The following SYNE1 variants were observed in gnomAD, a reference collection of about 807,000 sequenced individuals.
SYNE1 encodes the protein nesprin-1.
A neutral mutation model predicts 1,111.0 loss-of-function variants in SYNE1; 616 were observed. That is an observed-to-expected ratio of 0.55 (90% confidence interval 0.52 to 0.59). The LOEUF (loss-of-function observed/expected upper bound fraction) is 0.59. SYNE1 is among the 20% of genes least tolerant of loss of function. SYNE1 has a pLI of 0.00. For synonymous variants in SYNE1, 3,855 were observed against 3,825.8 expected (o/e 1.01, Z -0.28); for missense variants, 10,006 against 10,417.0 (o/e 0.96, Z 1.72).
chr6:152,535,717 T>C (rs1375724267), intron 4 of SYNE1, among the ~76,000 whole-genome samples: 3 of 152,216 alleles, frequency 2.0e-5, no homozygotes, highest in African/African-American at 7.2e-5. Flanking sequence ...AATATTAAGA[T>C]TGCTTATACA....
rs763775773 is a variant in SYNE1, at chr6:152,141,301, C to G, written c.25148G>C (p.Ser8383Thr). 1.9e-6 allele frequency: 3 copies of G among 1,613,620 alleles called. No individual in the cohort carries two copies. The highest frequency in any genetic ancestry group is 2.5e-6 in the Non-Finnish European group (3 of 1,179,800). The change falls in exon 139 of 146, where the codon AGT (serine) becomes ACT (threonine). Residue 8383 changes from serine (S) to threonine (T), a missense_variant. Physicochemically the swap from Ser to Thr is moderately conservative, Grantham distance 58. This residue lies in a region of SYNE1 where 761 missense variants were observed against 795.5 expected (regional missense o/e 0.96). Coordinates refer to ENST00000367255, the MANE Select transcript of SYNE1 (RefSeq NM_182961.4). The stretch of plus-strand genomic sequence containing the variant: ...CTCCAGTCTCTTCACGGAGTCTATA[C>G]TGCTACTGCATTCGCCCAGCAGTTT... ...YMKLLGECSSSIDSVKRLEHK... is the reference protein window; with the variant it reads ...YMKLLGECSSTIDSVKRLEHK...
At position 152,344,239 on chromosome 6, in the gene SYNE1, C is replaced by A. The variant is rs73783853; in HGVS notation, c.12079-12G>T. 3,125 of 1,614,094 alleles carry A rather than the reference C, an allele frequency of 1.9e-3. 24 individuals are homozygous for A. The African/African-American group carries it at 0.022, about 11-fold the overall frequency. ...AAACTCTGGTACATCTGAGACAATA[C>A]AATCATGCTGAGATTATGAGAACTG... is the stretch of plus-strand genomic sequence containing the variant. On this transcript the variant is annotated splice_polypyrimidine_tract_variant and intron_variant, in intron 73 of 145. Coordinates refer to ENST00000367255, the MANE Select transcript of SYNE1 (RefSeq NM_182961.4).
chr6:152,385,133 C>G (rs1207004204), intron 55 of SYNE1, among the ~76,000 whole-genome samples: 1 of 152,074 alleles, frequency 6.6e-6, no homozygotes. Flanking sequence ...ATTTAAGCAA[C>G]TAGAAATTTA....
At chr6:152,273,715 T>A (rs1333552167) in intron 98 of SYNE1, among the ~76,000 whole-genome samples, 1 of 152,220 alleles carries the variant, frequency 6.6e-6, no homozygotes, top group East Asian at 1.9e-4. Flanking sequence ...AACTAGAAGA[T>A]CCAGCAATGC....
At chr6:152,302,158 G>A (rs1013595380) in intron 91 of SYNE1, 95 bp from the exon 92 acceptor site, 1 of 1,543,498 alleles carries the variant, frequency 6.5e-7, no homozygotes. Context: ...GCCAATGAGC[G>A]CGCAGAGCCG....
At chr6:152,308,683 A>T in intron 90 of SYNE1, 51 bp from the exon 91 acceptor site, 4 of 1,566,026 alleles carry the variant, frequency 2.6e-6, no homozygotes, top group Non-Finnish European at 3.4e-6. Flanking sequence ...TTCTCTACCA[A>T]TAACTAGGTA....
chr6:152,332,010 T>C, intron 77 of SYNE1, 120 bp from the exon 78 acceptor site: 1 of 1,452,892 alleles, frequency 6.9e-7, no homozygotes, highest in Non-Finnish European at 9.5e-7. Flanking sequence ...TGCTCTTGTT[T>C]CCCAGGCTGG....
chr6:152,209,190 T>C (rs1022985942), intron 124 of SYNE1, among the ~76,000 whole-genome samples: 4 of 152,306 alleles, frequency 2.6e-5, no homozygotes, highest in South Asian at 2.1e-4. Context: ...AGATATACTA[T>C]CCTCTTCTCT....
intron 74 of SYNE1, 99 bp downstream of exon 74, chr6:152,343,982 G>C: frequency 6.6e-7 from 1 of 1,524,072 alleles, no homozygotes. Flanking sequence ...TAGATTCCCA[G>C]GAGTCAATAC....
intron 117 of SYNE1, among the ~76,000 whole-genome samples, chr6:152,224,048 C>A (rs1263307785): frequency 6.6e-6 from 1 of 152,164 alleles, no homozygotes; most frequent in Non-Finnish European, 1.5e-5. Context: ...GCTGGATAGG[C>A]CACTGATATT....
intron 2 of SYNE1, among the ~76,000 whole-genome samples, chr6:152,629,547 G>GGGGGGGGGGGGGGGGT (rs2099694063): frequency 1.9e-5 from 2 of 105,510 alleles, no homozygotes; most frequent in Non-Finnish European, 4.1e-5. Flanking sequence ...GAGGGGGAGG[G>GGGGGGGGGGGGGGGGT]GAGGAGGGGG....
rs755101379 is a variant in SYNE1, at chr6:152,430,534, G to T, written c.4637C>A (p.Thr1546Lys). The T allele has an allele frequency of 1.2e-5, 20 of 1,614,002 alleles. No homozygotes were observed. In the Admixed American group the frequency reaches 3.3e-4, roughly 27 times the overall value. Residue 1546 changes from threonine (T) to lysine (K), a missense_variant, in exon 35 of 146, where the codon ACA becomes AAA. Around this residue, in one of 7 missense-constraint regions of SYNE1, gnomAD observed 1,971 missense variants for 2,084.1 expected, o/e 0.95. Coordinates refer to ENST00000367255, the MANE Select transcript of SYNE1 (RefSeq NM_182961.4). Reference protein sequence around the residue: ...LREHAQCLEGTILGHLSQQQK... With the variant: ...LREHAQCLEGKILGHLSQQQK... ...CTGCTGAGATAAATGTCCCAGGATT[G>T]TTCCTTCCAGACACTGTGCATGCTC...
chr6:152,134,093 A>C (rs2056495212), intron 142 of SYNE1: 1 of 154,796 alleles, frequency 6.5e-6, no homozygotes, highest in Non-Finnish European at 1.4e-5. Context: ...TACAAAGTGC[A>C]TAATATTTTC....
At chr6:152,525,941 A>G (rs1038279411) in intron 5 of SYNE1, 139 bp downstream of exon 5, 2 of 742,964 alleles carry the variant, frequency 2.7e-6, no homozygotes, top group Non-Finnish European at 4.7e-6. Flanking sequence ...AAGTGCCAGC[A>G]GTGTTTCCAG....
Position 152,447,713 on chromosome 6 carries a change from G to A in SYNE1, c.3505-91C>T, listed in dbSNP as rs2098604717. ...AGGACTCAGCCTAAAAAGGTTTGCAGGTGGAGCAGAATAGAGCCAGACATC... is the reference window on the plus strand; with the variant it reads ...AGGACTCAGCCTAAAAAGGTTTGCAAGTGGAGCAGAATAGAGCCAGACATC... On this transcript the variant is annotated intron_variant, in intron 28 of 145. Transcript: ENST00000367255. The A allele has an allele frequency of 2.8e-5, 42 of 1,499,934 alleles. No individual in the cohort carries two copies. In the South Asian group the frequency reaches 4.8e-4, roughly 17 times the overall value. 92.9% of individuals were successfully genotyped at this position (1,499,934 alleles called of 1,614,324 possible).
Position 152,466,088 on chromosome 6 carries a change from G to C in SYNE1, c.1633-10C>G. The C allele has an allele frequency of 6.5e-7, 1 of 1,539,672 alleles. No homozygotes were observed. Among genetic ancestry groups the C allele is most frequent in the South Asian group, 1.1e-5 (1 of 89,568 alleles). On this transcript the variant is annotated splice_polypyrimidine_tract_variant and intron_variant, in intron 16 of 145. Transcript: ENST00000367255. ...TATTTTCTATAAAAGACTAGAAAAG[G>C]AGGAATGGTTAGAAGATAGCAAACA... is the stretch of plus-strand genomic sequence containing the variant.
At chr6:152,481,317 GC>G in intron 14 of SYNE1, 1 of 267,572 alleles carries the variant, frequency 3.7e-6, no homozygotes, top group South Asian at 4.1e-5. Context: ...CTGAAAACCT[GC>G]ACATAGTAGG....
chr6:152,140,145 C>CCAT lies in SYNE1; in HGVS notation c.25260_25262dup (p.Arg8420_Trp8421insTer). The CCAT allele has an allele frequency of 6.2e-7, 1 of 1,614,162 alleles. No homozygotes were observed. Reference sequence around the variant, plus strand: ...TCAATGCCTGGGCCTGGAGAAGCTCCCATCGGTCAATCACACCTGGCAAGA... The same window carrying CCAT: ...TCAATGCCTGGGCCTGGAGAAGCTCCCATCATCGGTCAATCACACCTGGCAAGA... On this transcript the variant is annotated stop_gained, in exon 140 of 146. Transcript: ENST00000367255. LOFTEE classifies it high-confidence loss of function.
intron 3 of SYNE1, among the ~76,000 whole-genome samples, chr6:152,580,048 T>C (rs1309079378): frequency 6.6e-6 from 1 of 152,226 alleles, no homozygotes; most frequent in African/African-American, 2.4e-5. Flanking sequence ...GATTGCTGTG[T>C]CAAATGGTAA....
Sources: allele counts gnomAD v4.1 joint callset (sites outside exome capture counted in the v4.1 genomes callset), GRCh38; gene constraint gnomAD v4.1.1; regional missense constraint gnomAD v4.1.1; transcripts MANE v1.5; gene names NCBI Gene and HGNC (gene_info 2026-07-23, HGNC 2026-07-21).